Variants in CADPS observed in about 807,000 individuals in gnomAD.
CADPS encodes calcium dependent secretion activator.
CADPS carries 57 observed loss-of-function variants against 167.3 expected under a neutral mutation model. That is an observed-to-expected ratio of 0.34 (90% CI 0.28 to 0.42). The LOEUF (loss-of-function observed/expected upper bound fraction) is 0.42, where lower values mean the gene tolerates loss of function less well. CADPS is among the 20% of genes least tolerant of loss of function. The probability of loss-of-function intolerance (pLI) is 1.00; values close to 1 mark genes in which losing one functional copy is unlikely to be tolerated. For synonymous variants in CADPS, 676 were observed against 635.3 expected, an observed-to-expected ratio of 1.06 and a Z score of -0.96; for missense variants, 1,414 against 1,738.1, an observed-to-expected ratio of 0.81 and a Z score of 3.32.
intron 3 of CADPS, among the ~76,000 whole-genome samples, chr3:62,664,034 G>T (rs1030985107): frequency 6.6e-6 from 1 of 152,092 alleles, no homozygotes; most frequent in Admixed American, 6.5e-5. Flanking sequence ...CCGAGATGAG[G>T]TCTTGCTGTC....
intron 21 of CADPS, 111 bp from the exon 22 acceptor site, chr3:62,481,980 G>C: frequency 2.8e-6 from 3 of 1,063,612 alleles, no homozygotes; most frequent in Non-Finnish European, 1.4e-6. Flanking sequence ...CAAGACAACA[G>C]CAAAAACTCA....
intron 1 of CADPS, among the ~76,000 whole-genome samples, chr3:62,810,469 A>G (rs1025103927): frequency 5.3e-5 from 8 of 152,188 alleles, no homozygotes; most frequent in African/African-American, 1.9e-4. Context: ...GTACATGCCC[A>G]CTAAATATTA....
chr3:62,582,413 T>C (rs2083612144), intron 8 of CADPS, among the ~76,000 whole-genome samples: 1 of 152,204 alleles, frequency 6.6e-6, no homozygotes, highest in African/African-American at 2.4e-5. Flanking sequence ...ACCGCTGCAC[T>C]CCAGCCTGAG....
intron 6 of CADPS, among the ~76,000 whole-genome samples, chr3:62,594,574 G>GT (rs1243805849): frequency 3.9e-5 from 6 of 152,088 alleles, no homozygotes; most frequent in Admixed American, 2.6e-4. Flanking sequence ...GTTTTGTTTT[G>GT]TTTTTTGAGG....
chr3:62,631,539 C>CAAA (rs1168889674), intron 6 of CADPS, among the ~76,000 whole-genome samples: 1 of 152,170 alleles, frequency 6.6e-6, no homozygotes, highest in Non-Finnish European at 1.5e-5. Context: ...ACAAATATAA[C>CAAA]TAAGACATTA....
At chr3:62,818,657 G>A (rs2094742209) in intron 1 of CADPS, among the ~76,000 whole-genome samples, 1 of 152,158 alleles carries the variant, frequency 6.6e-6, no homozygotes, top group Admixed American at 6.5e-5. Flanking sequence ...ATACCTACAA[G>A]ATGGCAACTT....
chr3:62,794,329 G>T (rs1351467474), intron 1 of CADPS, among the ~76,000 whole-genome samples: 1 of 152,170 alleles, frequency 6.6e-6, no homozygotes, highest in Non-Finnish European at 1.5e-5. Context: ...CAGCATGTAT[G>T]AACTGCTCCT....
rs933609792 is a variant in CADPS at position 62,602,708 on chromosome 3, G to A, written c.1326-9960C>T. ...TTTGTAGAAATTGGGCTGTCTGGGA[G>A]GCAGAGATGAAGGCTTTGGTTTGCC... On this transcript the variant is annotated intron_variant, in intron 6 of 29. Coordinates refer to ENST00000383710, the MANE Select transcript of CADPS (RefSeq NM_003716.4). This position sits in a 1 kb window ranked among gnomAD's most constrained non-coding sequence, Gnocchi z 4.4. 1.3e-5 allele frequency among the ~76,000 whole-genome samples: 2 copies of A among 152,262 alleles called. No homozygotes were observed. Among genetic ancestry groups the A allele is most frequent in the Non-Finnish European group, 1.5e-5 (1 of 68,020 alleles).
In CADPS at chr3:62,478,619, A is replaced by C. The variant is rs1164410742; in HGVS notation, c.3174-203T>G. Among the ~76,000 whole-genome samples the C allele has an allele frequency of 6.6e-6, 1 of 152,136 alleles. No individual in the cohort carries two copies. Among genetic ancestry groups the C allele is most frequent in the East Asian group, 1.9e-4 (1 of 5,180 alleles). ...ATGACTTAGTGTGCTTTGCTCAGCC[A>C]ATTACCCCAGACCAGTGAGAAGTCT... is the stretch of plus-strand genomic sequence containing the variant. On this transcript the variant is annotated intron_variant, in intron 22 of 29. Coordinates refer to ENST00000383710, the MANE Select transcript of CADPS (RefSeq NM_003716.4). This position sits in a 1 kb window ranked among gnomAD's most constrained non-coding sequence, Gnocchi z 5.7.
At chr3:62,718,748 A>G (rs2075167080) in intron 3 of CADPS, among the ~76,000 whole-genome samples, 1 of 152,214 alleles carries the variant, frequency 6.6e-6, no homozygotes, top group African/African-American at 2.4e-5. Context: ...GAGGGAACAT[A>G]TTGTCAGCCG....
intron 5 of CADPS, among the ~76,000 whole-genome samples, chr3:62,648,692 A>AAAAAAAAAAAAAAAAAG: frequency 2.7e-5 from 1 of 37,562 alleles, no homozygotes. Flanking sequence ...ACGTTGTGTC[A>AAAAAAAAAAAAAAAAAG]AAAAAAAAAA....
intron 26 of CADPS, among the ~76,000 whole-genome samples, chr3:62,449,211 C>A (rs190167693): frequency 6.6e-6 from 1 of 152,328 alleles, no homozygotes; most frequent in African/African-American, 2.4e-5. Flanking sequence ...TGATAGAGAC[C>A]TCCACCTCAC....
chr3:62,448,154 T>A (rs1477983216), intron 26 of CADPS, among the ~76,000 whole-genome samples: 1 of 152,158 alleles, frequency 6.6e-6, no homozygotes, highest in Non-Finnish European at 1.5e-5. Context: ...TCCTCAATAT[T>A]GGTAGAAAAG....
rs1491054532 is a variant in CADPS at position 62,404,777 on chromosome 3, T to TA, written c.3778-1593_3778-1592insT. Reference sequence around the variant, plus strand: ...GGAGCAGGAGGGGTAGGAAGTAGATTTTTTTTTTTTTTTTTTTTTTTTGGA... The same window carrying TA: ...GGAGCAGGAGGGGTAGGAAGTAGATTATTTTTTTTTTTTTTTTTTTTTTGGA... On this transcript the variant is annotated intron_variant, in intron 28 of 29. Transcript: ENST00000383710. The TA allele has an allele frequency of 9.8e-5, 5 of 51,142 alleles. No homozygotes were observed. The East Asian group carries it at 2.3e-3, about 23-fold the overall frequency. The allele number at this position is 51,142 out of a possible 1,614,324, so 3.2% of individuals were successfully genotyped here. A position where few individuals can be genotyped will look rare whatever the true frequency, so the allele number is the denominator to read the frequency against.
At position 62,602,408 on chromosome 3, in the gene CADPS, T is replaced by A. The variant is rs577777612; in HGVS notation, c.1326-9660A>T. Among the ~76,000 whole-genome samples, 2 of 152,282 alleles carry A rather than the reference T, an allele frequency of 1.3e-5. No homozygotes were observed. Among genetic ancestry groups the A allele is most frequent in the Admixed American group, 1.3e-4 (2 of 15,290 alleles). On this transcript the variant is annotated intron_variant, in intron 6 of 29. Transcript: ENST00000383710. The surrounding 1 kb of genome is among the most constrained non-coding windows in gnomAD (Gnocchi z 4.4). ...GTTAAATTGGTGCGGTTCATAAAATTAACTGTGGGCTTTAACAAGAGAGAA... is the reference window on the plus strand; with the variant it reads ...GTTAAATTGGTGCGGTTCATAAAATAAACTGTGGGCTTTAACAAGAGAGAA...
At chr3:62,774,137 G>A (rs1289976339) in intron 1 of CADPS, among the ~76,000 whole-genome samples, 3 of 152,132 alleles carry the variant, frequency 2.0e-5, no homozygotes, top group South Asian at 2.1e-4. Flanking sequence ...CTAAAGATTG[G>A]ATTGAAGATC....
intron 3 of CADPS, among the ~76,000 whole-genome samples, chr3:62,743,067 A>G (rs1456275401): frequency 6.6e-6 from 1 of 152,224 alleles, no homozygotes; most frequent in Non-Finnish European, 1.5e-5. Context: ...TCAAAACCAC[A>G]ATGAGATACC....
chr3:62,453,389 G>C (rs1164140477), intron 26 of CADPS, among the ~76,000 whole-genome samples: 2 of 152,106 alleles, frequency 1.3e-5, no homozygotes, highest in East Asian at 3.9e-4. Context: ...AATTCTAGTG[G>C]AGAAAGGGAT....
At chr3:62,576,400 G>T (rs1304270335) in intron 8 of CADPS, among the ~76,000 whole-genome samples, 1 of 152,102 alleles carries the variant, frequency 6.6e-6, no homozygotes, top group Non-Finnish European at 1.5e-5. Context: ...GAACTCATGG[G>T]GGTGATATGT....
Sources: gnomAD v4.1 joint callset for allele counts (sites outside exome capture counted in the v4.1 genomes callset) on GRCh38, gnomAD v4.1.1 for gene constraint, Gnocchi (gnomAD v3.1) non-coding constraint, MANE v1.5 for transcripts, NCBI Gene and HGNC (gene_info 2026-07-23, HGNC 2026-07-21) for gene names.